The following ATP6V1H variants were observed in gnomAD, a reference collection of about 807,000 sequenced individuals.
ATP6V1H encodes the protein V-type proton ATPase subunit H.
In ATP6V1H, 39 loss-of-function variants were observed where a neutral mutation model predicts 71.7. That is an observed-to-expected ratio of 0.54 (90% CI 0.42 to 0.71). ATP6V1H has a LOEUF of 0.71. Among genes scored for constraint, ATP6V1H ranks in the 30% least tolerant of loss-of-function variants. ATP6V1H has a pLI of 0.00. For synonymous variants in ATP6V1H, 192 were observed against 199.3 expected, an observed-to-expected ratio of 0.96 and a Z score of 0.31; for missense variants, 509 against 594.9, an observed-to-expected ratio of 0.86 and a Z score of 1.50.
chr8:53,806,983 T>C, intron 7 of ATP6V1H: 1 of 359,962 alleles, frequency 2.8e-6, no homozygotes, highest in Non-Finnish European at 5.6e-6. Context: ...GCAGGGACTG[T>C]CTGTAATTGC....
At chr8:53,792,602 C>T (rs1257397610) in intron 9 of ATP6V1H, among the ~76,000 whole-genome samples, 2 of 151,930 alleles carry the variant, frequency 1.3e-5, no homozygotes, top group African/African-American at 4.8e-5. Context: ...GAAAATGCAT[C>T]GAGACAAGAA....
intron 11 of ATP6V1H, among the ~76,000 whole-genome samples, chr8:53,763,555 A>AT (rs1470814909): frequency 6.6e-6 from 1 of 152,212 alleles, no homozygotes; most frequent in Non-Finnish European, 1.5e-5. Context: ...TTCCTTGTAG[A>AT]TTTTAACAAG....
At chr8:53,758,423 A>T (rs937568865) in intron 11 of ATP6V1H, among the ~76,000 whole-genome samples, 2 of 152,192 alleles carry the variant, frequency 1.3e-5, no homozygotes, top group Non-Finnish European at 2.9e-5. Flanking sequence ...GCAATTATTT[A>T]AAGGCATTTT....
In ATP6V1H at chr8:53,776,248, G is replaced by A. The variant is rs190026288; in HGVS notation, c.871-4081C>T. On this transcript the variant is annotated intron_variant, in intron 9 of 13. Coordinates refer to ENST00000359530, the MANE Select transcript of ATP6V1H (RefSeq NM_015941.4). ...GAACTCCAGCTGGCCCGCAAGCGCC[G>A]CACGCAGCCCTAGTTCCCGCTCGTG... Among the ~76,000 whole-genome samples, 123 of 152,264 alleles carry A rather than the reference G, an allele frequency of 8.1e-4. 1 individual carries two copies. The East Asian group carries it at 0.021, about 26-fold the overall frequency.
At chr8:53,817,663 T>A in intron 4 of ATP6V1H, 133 bp from the exon 5 acceptor site, 2 of 565,070 alleles carry the variant, frequency 3.5e-6, no homozygotes, top group Non-Finnish European at 6.2e-6. Context: ...GATTTGTCTG[T>A]CATTATTACT....
chr8:53,797,973 G>C (rs1563471595), intron 8 of ATP6V1H, among the ~76,000 whole-genome samples: 1 of 152,154 alleles, frequency 6.6e-6, no homozygotes. Context: ...GAATAGCACT[G>C]CATCTATAAA....
intron 13 of ATP6V1H, among the ~76,000 whole-genome samples, chr8:53,733,171 C>A (rs1807083568): frequency 6.6e-6 from 1 of 152,368 alleles, no homozygotes; most frequent in East Asian, 1.9e-4. Context: ...CTTAGGCTGA[C>A]TGCCGCCAGC....
intron 11 of ATP6V1H, among the ~76,000 whole-genome samples, chr8:53,759,489 C>A (rs943447951): frequency 9.2e-5 from 14 of 152,176 alleles, no homozygotes; most frequent in African/African-American, 3.4e-4. Context: ...AACCACAACC[C>A]ATGATTCTAT....
chr8:53,833,835 T>C lies in ATP6V1H; in HGVS notation c.114-749A>G, dbSNP rs7016668. On this transcript the variant is annotated intron_variant, in intron 2 of 13. Transcript: ENST00000359530. ...AGTCTTACCATTTTCAAATTCAGCATCATGTTCCTGTCATCTTCCCTGTCA... is the reference window on the plus strand; with the variant it reads ...AGTCTTACCATTTTCAAATTCAGCACCATGTTCCTGTCATCTTCCCTGTCA... Among the ~76,000 whole-genome samples the C allele has an allele frequency of 2.2e-3, 337 of 152,140 alleles. 1 individual carries two copies. The highest frequency in any genetic ancestry group is 7.7e-3 in the African/African-American group (318 of 41,524).
At chr8:53,755,436 G>A (rs1454790476) in intron 12 of ATP6V1H, among the ~76,000 whole-genome samples, 1 of 143,978 alleles carries the variant, frequency 6.9e-6, no homozygotes, top group Non-Finnish European at 1.5e-5. Flanking sequence ...TTTAGTGTGC[G>A]TGAGTCACTA....
At chr8:53,793,737 G>C (rs940784809) in intron 9 of ATP6V1H, among the ~76,000 whole-genome samples, 1 of 151,976 alleles carries the variant, frequency 6.6e-6, no homozygotes, top group Non-Finnish European at 1.5e-5. Flanking sequence ...TCAGGAGTTC[G>C]AGACCAGCCT....
intron 11 of ATP6V1H, among the ~76,000 whole-genome samples, chr8:53,766,623 G>T (rs2130300250): frequency 6.6e-6 from 1 of 152,260 alleles, no homozygotes; most frequent in African/African-American, 2.4e-5. Flanking sequence ...CTCAGCATGG[G>T]ATATCCCTGA....
intron 2 of ATP6V1H, 148 bp from the exon 3 acceptor site, chr8:53,833,234 A>G: frequency 5.1e-6 from 3 of 586,288 alleles, no homozygotes; most frequent in South Asian, 4.2e-5. Flanking sequence ...CCTGGATTCA[A>G]TGCTTAGTTT....
At chr8:53,830,729 T>TA (rs910252291) in intron 3 of ATP6V1H, among the ~76,000 whole-genome samples, 59 of 150,922 alleles carry the variant, frequency 3.9e-4, no homozygotes, top group African/African-American at 1.0e-3. Flanking sequence ...GAAACAGGTT[T>TA]AAAAAAAAAT....
intron 13 of ATP6V1H, among the ~76,000 whole-genome samples, chr8:53,717,372 C>A (rs1208856824): frequency 7.2e-5 from 11 of 152,184 alleles, no homozygotes; most frequent in Non-Finnish European, 1.5e-5. Flanking sequence ...ACCACTCCCC[C>A]CAATCCAAAG....
At chr8:53,791,419 T>G (rs1434602635) in intron 9 of ATP6V1H, among the ~76,000 whole-genome samples, 1 of 152,176 alleles carries the variant, frequency 6.6e-6, no homozygotes, top group Non-Finnish European at 1.5e-5. Flanking sequence ...AAAAGATCCA[T>G]TCACAGAACA....
In ATP6V1H at chr8:53,843,096, CG is replaced by C; in HGVS notation, c.-99del. On this transcript the variant is annotated 5_prime_UTR_variant, in exon 1 of 14. Transcript: ENST00000359530. ...CGGCAGGGAGGGTGGTCCGGGGCGC[CG>C]GGGACACAGCCGGGCTGGGGCGCCG... 1.3e-5 allele frequency: 2 copies of C among 152,544 alleles called. No homozygotes were observed. Among genetic ancestry groups the C allele is most frequent in the South Asian group, 2.1e-4 (1 of 4,830 alleles). 9.4% of individuals were successfully genotyped at this position (152,544 alleles called of 1,614,324 possible).
In ATP6V1H at chr8:53,771,682, G is replaced by A. The variant is rs184235376; in HGVS notation, c.1049+307C>T. Among the ~76,000 whole-genome samples the A allele has an allele frequency of 2.7e-4, 41 of 152,272 alleles. 1 individual carries two copies. The highest frequency in any genetic ancestry group is 2.5e-3 in the Admixed American group (38 of 15,296). On this transcript the variant is annotated intron_variant, in intron 10 of 13. Coordinates refer to ENST00000359530, the MANE Select transcript of ATP6V1H (RefSeq NM_015941.4). ...CTCCACTAATTAACAAACTACCTTT[G>A]TTGCTTAAAAAGACTCTAAGAGAAG...
At chr8:53,763,476 G>C (rs530438621) in intron 11 of ATP6V1H, among the ~76,000 whole-genome samples, 1 of 152,154 alleles carries the variant, frequency 6.6e-6, no homozygotes, top group Admixed American at 6.5e-5. Context: ...CAGGTTCATG[G>C]ATCTGAATAC....
Sources: allele counts gnomAD v4.1 joint callset (sites outside exome capture counted in the v4.1 genomes callset), GRCh38; gene constraint gnomAD v4.1.1; transcripts MANE v1.5; gene names NCBI Gene and HGNC (gene_info 2026-07-23, HGNC 2026-07-21).